Variants in ALMS1 observed in about 807,000 individuals in gnomAD.
ALMS1 encodes ALMS1 centrosome and basal body associated protein.
In ALMS1, 271 loss-of-function variants were observed where a neutral mutation model predicts 352.2. The ratio of observed to expected loss-of-function variants is 0.77; its 90% CI spans 0.70 to 0.85. The LOEUF (loss-of-function observed/expected upper bound fraction) is 0.85. Ranked by LOEUF, ALMS1 falls within the 40% of genes least tolerant of loss-of-function variation. ALMS1 has a pLI of 0.00. For synonymous variants in ALMS1, 1,865 were observed against 1,761.2 expected (o/e 1.06, Z -1.48); for missense variants, 5,445 against 4,870.7 (o/e 1.12, Z -3.51).
intron 5 of ALMS1, among the ~76,000 whole-genome samples, chr2:73,425,646 G>C (rs1253847366): frequency 6.6e-6 from 1 of 152,100 alleles, no homozygotes; most frequent in Non-Finnish European, 1.5e-5. Context: ...TGAAATCCAA[G>C]CTGACATCAA....
chr2:73,516,697 G>A (rs1394826127), intron 10 of ALMS1, among the ~76,000 whole-genome samples: 1 of 152,292 alleles, frequency 6.6e-6, no homozygotes, highest in African/African-American at 2.4e-5. Context: ...GGGAACAACA[G>A]TCATGCATTT....
At chr2:73,408,505 C>A in intron 1 of ALMS1, 117 bp from the exon 2 acceptor site, 2 of 1,165,914 alleles carry the variant, frequency 1.7e-6, no homozygotes, top group Non-Finnish European at 2.5e-6. Flanking sequence ...ATCAAAATGT[C>A]GTATATGTGA....
intron 2 of ALMS1, among the ~76,000 whole-genome samples, chr2:73,411,677 T>C (rs1671080557): frequency 6.6e-6 from 1 of 152,208 alleles, no homozygotes; most frequent in Admixed American, 6.5e-5. Flanking sequence ...TCGTCGTTCA[T>C]CTTTGTTACT....
At chr2:73,473,399 C>G (rs139345170) in intron 9 of ALMS1, among the ~76,000 whole-genome samples, 22 of 152,094 alleles carry the variant, frequency 1.4e-4, no homozygotes, top group African/African-American at 5.3e-4. Flanking sequence ...GAAATAGTCA[C>G]TAAACAACAC....
At chr2:73,426,605 G>A (rs2103720850) in intron 6 of ALMS1, 52 bp downstream of exon 6, 1 of 1,546,688 alleles carries the variant, frequency 6.5e-7, no homozygotes, top group Non-Finnish European at 8.9e-7. Context: ...TTTCAGTATT[G>A]TTTCAGGAAA....
chr2:73,558,944 G>A (rs765628821), intron 14 of ALMS1, 28 bp from the exon 15 acceptor site: 1 of 1,612,662 alleles, frequency 6.2e-7, no homozygotes, highest in Non-Finnish European at 8.5e-7. Context: ...GTTCCTGTCT[G>A]TATAGTGTGT....
intron 13 of ALMS1, among the ~76,000 whole-genome samples, chr2:73,551,952 G>T (rs1301996354): frequency 2.6e-5 from 4 of 152,128 alleles, no homozygotes; most frequent in Non-Finnish European, 4.4e-5. Flanking sequence ...TAAATGTAGG[G>T]TGGCTCTATG....
At chr2:73,446,869 C>T (rs144601965) in intron 7 of ALMS1, among the ~76,000 whole-genome samples, 4 of 152,228 alleles carry the variant, frequency 2.6e-5, no homozygotes, top group Middle Eastern at 3.4e-3. Flanking sequence ...TTAACAAGAT[C>T]CCAACATTGA....
chr2:73,580,248 C>G (rs561315366), intron 16 of ALMS1, among the ~76,000 whole-genome samples: 1 of 152,102 alleles, frequency 6.6e-6, no homozygotes, highest in African/African-American at 2.4e-5. Context: ...TCATCTCATT[C>G]TGTTTTCTTT....
intron 15 of ALMS1, among the ~76,000 whole-genome samples, chr2:73,567,948 A>C (rs924575949): frequency 6.6e-6 from 1 of 152,196 alleles, no homozygotes; most frequent in Admixed American, 6.5e-5. Flanking sequence ...TTATAAATGA[A>C]TAATGGGAAA....
chr2:73,520,805 G>A (rs10170849), intron 11 of ALMS1, among the ~76,000 whole-genome samples: 57,384 of 152,168 alleles, frequency 0.38, 14,969 homozygotes, highest in African/African-American at 0.74. Context: ...CTTTTACCAT[G>A]TAACATTTAG....
At chr2:73,594,108 T>C (rs541917659) in intron 16 of ALMS1, among the ~76,000 whole-genome samples, 53 of 152,222 alleles carry the variant, frequency 3.5e-4, no homozygotes, top group Non-Finnish European at 5.9e-4. Flanking sequence ...GTGGAATTAA[T>C]CATATGACAA....
chr2:73,464,397 C>A (rs11504914), intron 9 of ALMS1, among the ~76,000 whole-genome samples: 17 of 152,140 alleles, frequency 1.1e-4, no homozygotes, highest in South Asian at 1.0e-3. Flanking sequence ...ATTCAACAAC[C>A]CTTCATGCTA....
intron 9 of ALMS1, among the ~76,000 whole-genome samples, chr2:73,471,325 AAAAT>A (rs1672463280): frequency 6.6e-6 from 1 of 151,514 alleles, no homozygotes; most frequent in Non-Finnish European, 1.5e-5. Context: ...GCAATTTAAA[AAAAT>A]AGACAAACAG....
intron 6 of ALMS1, among the ~76,000 whole-genome samples, chr2:73,429,203 T>A (rs1671452500): frequency 6.6e-6 from 1 of 152,212 alleles, no homozygotes; most frequent in Non-Finnish European, 1.5e-5. Flanking sequence ...CTAGAGTCTC[T>A]GGTGGTTTCC....
At chr2:73,604,801 A>G (rs763989516) in intron 21 of ALMS1, among the ~76,000 whole-genome samples, 9 of 152,170 alleles carry the variant, frequency 5.9e-5, no homozygotes, top group Non-Finnish European at 1.0e-4. Flanking sequence ...TGTGTTGGCT[A>G]TTTGCACTGA....
At position 73,541,244 on chromosome 2, in the gene ALMS1, A is replaced by G. The variant is rs578251642; in HGVS notation, c.9907+6295A>G. 3.9e-5 allele frequency among the ~76,000 whole-genome samples: 6 copies of G among 152,360 alleles called. No individual in the cohort carries two copies. In the East Asian group the frequency reaches 1.2e-3, roughly 29 times the overall value. ...CACTCAGAACCGCTCGACTACATGG[A>G]AACTGAACAACCTGCCCCTGAATGA... On this transcript the variant is annotated intron_variant, in intron 12 of 22. Coordinates refer to ENST00000613296, the MANE Select transcript of ALMS1 (RefSeq NM_001378454.1).
chr2:73,540,793 G>C (rs566232783), intron 12 of ALMS1, among the ~76,000 whole-genome samples: 1 of 152,210 alleles, frequency 6.6e-6, no homozygotes, highest in South Asian at 2.1e-4. Context: ...TTACATAATG[G>C]TAAAGGGATC....
intron 4 of ALMS1, among the ~76,000 whole-genome samples, chr2:73,423,870 T>C (rs1330407331): frequency 6.6e-6 from 1 of 152,114 alleles, no homozygotes; most frequent in East Asian, 1.9e-4. Context: ...CTCTAACTTC[T>C]GGGCTCAAGC....
Sources: gnomAD v4.1 joint callset for allele counts (sites outside exome capture counted in the v4.1 genomes callset) on GRCh38, gnomAD v4.1.1 for gene constraint, MANE v1.5 for transcripts, NCBI Gene and HGNC (gene_info 2026-07-23, HGNC 2026-07-21) for gene names.